Variants in NBPF26 observed in about 807,000 individuals in gnomAD.
The protein encoded by NBPF26 is NBPF family member NBPF26.
Under a neutral mutation model 119.6 loss-of-function variants are expected in NBPF26, and 79 were observed. The ratio of observed to expected loss-of-function variants is 0.66; its 90% CI spans 0.55 to 0.80. The LOEUF is 0.80. NBPF26 is among the 30% of genes least tolerant of loss of function. The pLI is 0.00. For missense variants in NBPF26, 800 were observed against 1,198.2 expected, an observed-to-expected ratio of 0.67 and a Z score of 4.91; for synonymous variants, 299 against 457.7, an observed-to-expected ratio of 0.65 and a Z score of 4.43.
In NBPF26 at chr1:120,811,935, C is replaced by T. The variant is rs1553271032; in HGVS notation, c.1614C>T (p.Ala538=). ...CAAACGTCAGCATGGTGGTATCAGCCGGCCCTTTGTCCGGCGAGAAGGCAG... is the reference window on the plus strand; with the variant it reads ...CAAACGTCAGCATGGTGGTATCAGCTGGCCCTTTGTCCGGCGAGAAGGCAG... Residue 538 remains alanine (A), a synonymous_variant, in exon 10 of 30, where the codon GCC becomes GCT. Transcript: ENST00000620612. The T allele has an allele frequency of 1.0e-4, 119 of 1,163,662 alleles. 24 individuals are homozygous for T. The highest frequency in any genetic ancestry group is 3.9e-4 in the South Asian group (30 of 76,980). 72.1% of individuals were successfully genotyped at this position (1,163,662 alleles called of 1,614,324 possible).
At chr1:120,811,119 G>C (rs1651852875) in intron 9 of NBPF26, among the ~76,000 whole-genome samples, 1 of 106,446 alleles carries the variant, frequency 9.4e-6, no homozygotes, top group African/African-American at 5.7e-5. Flanking sequence ...GTGGTGGTGG[G>C]TGCCTGTAGT....
chr1:120,805,091 G>C (rs1245456988), intron 4 of NBPF26, among the ~76,000 whole-genome samples: 1 of 123,920 alleles, frequency 8.1e-6, no homozygotes, highest in Non-Finnish European at 1.6e-5. Flanking sequence ...AATATGCTTA[G>C]ATGTATTGGG....
chr1:120,804,896 A>G (rs1651642736), intron 4 of NBPF26, among the ~76,000 whole-genome samples: 3 of 120,438 alleles, frequency 2.5e-5, no homozygotes, highest in Non-Finnish European at 4.9e-5. Flanking sequence ...AAAAAACTGC[A>G]GAAGACCCGG....
intron 2 of NBPF26, among the ~76,000 whole-genome samples, chr1:120,770,608 A>G (rs1651252274): frequency 8.3e-6 from 1 of 121,100 alleles, no homozygotes; most frequent in South Asian, 2.3e-4. Context: ...GTAGTTTAAC[A>G]TGTATTTACT....
Position 120,794,442 on chromosome 1 carries a change from A to G in NBPF26, c.751+946A>G, listed in dbSNP as rs1651534789. Among the ~76,000 whole-genome samples, 2 of 116,238 alleles carry G rather than the reference A, an allele frequency of 1.7e-5. 1 individual carries two copies. Among genetic ancestry groups the G allele is most frequent in the Non-Finnish European group, 3.3e-5 (2 of 60,836 alleles). 76.3% of individuals were successfully genotyped at this position (116,238 alleles called of 152,430 possible). On this transcript the variant is annotated intron_variant, in intron 4 of 29. Coordinates refer to ENST00000620612, the Ensembl canonical transcript of NBPF26. ...CAAATATCCTTAGTACAAAAACAAA[A>G]GAAGGAAAACTGTAGGAGGGAGTAA...
At chr1:120,776,111 A>G (rs1651304842) in intron 2 of NBPF26, among the ~76,000 whole-genome samples, 1 of 116,764 alleles carries the variant, frequency 8.6e-6, no homozygotes, top group Admixed American at 8.2e-5. Flanking sequence ...TTGCTTCTGC[A>G]CTGAATAGTT....
At chr1:120,801,850 A>AAAAC in intron 4 of NBPF26, among the ~76,000 whole-genome samples, 1 of 95,648 alleles carries the variant, frequency 1.0e-5, no homozygotes, top group Non-Finnish European at 1.9e-5. Flanking sequence ...AAAAAAAAAA[A>AAAAC]AGGCATCTCA....
rs1323082364 is a variant in NBPF26, at chr1:120,760,240, T to A, written c.74-3388T>A. ...TCTCTCTCTGTCACTCAGGCTGGAG[T>A]ACAGTGGAGCAATCTCGGCTCACTG... On this transcript the variant is annotated intron_variant, in intron 1 of 29. Coordinates refer to ENST00000620612, the Ensembl canonical transcript of NBPF26. Among the ~76,000 whole-genome samples the A allele has an allele frequency of 1.9e-4, 14 of 73,128 alleles. 1 individual carries two copies. Among genetic ancestry groups the A allele is most frequent in the Non-Finnish European group, 2.3e-5 (1 of 43,738 alleles). The allele number at this position is 73,128 out of a possible 152,430, so 48.0% of individuals were successfully genotyped here. A position where few individuals can be genotyped will look rare whatever the true frequency, so the allele number is the denominator to read the frequency against.
rs1290093406 is a variant in NBPF26 at position 120,759,114 on chromosome 1, T to G, written c.74-4514T>G. Among the ~76,000 whole-genome samples, 2 of 72,424 alleles carry G rather than the reference T, an allele frequency of 2.8e-5. 1 individual carries two copies. Among genetic ancestry groups the G allele is most frequent in the Non-Finnish European group, 4.6e-5 (2 of 43,018 alleles). The allele number at this position is 72,424 out of a possible 152,430, so 47.5% of individuals were successfully genotyped here. ...CATCAGGGCTTGTGCCTGCCGATAG[T>G]AGATGCTTTCTAAATATGTTCTGAA... On this transcript the variant is annotated intron_variant, in intron 1 of 29. Transcript: ENST00000620612.
At position 120,810,208 on chromosome 1, in the gene NBPF26, T is replaced by C. The variant is rs1170705073; in HGVS notation, c.1353-139T>C. On this transcript the variant is annotated intron_variant, in intron 8 of 29. Transcript: ENST00000620612. Reference sequence around the variant, plus strand: ...GTTGCAGAGAGAAGCGGATTGCCTGTTTCCTCTTTAAGGGAACCTCCGTTT... The same window carrying C: ...GTTGCAGAGAGAAGCGGATTGCCTGCTTCCTCTTTAAGGGAACCTCCGTTT... The C allele has an allele frequency of 1.8e-5, 19 of 1,074,130 alleles. 2 individuals are homozygous for C. The East Asian group carries it at 4.4e-4, about 25-fold the overall frequency. 66.5% of individuals were successfully genotyped at this position (1,074,130 alleles called of 1,614,324 possible).
rs1287424079 is a variant in NBPF26 at position 120,724,638 on chromosome 1, G to A, written c.73+388G>A. Among the ~76,000 whole-genome samples the A allele has an allele frequency of 8.7e-3, 1,061 of 122,088 alleles. 340 individuals are homozygous for A. The highest frequency in any genetic ancestry group is 0.042 in the African/African-American group (1,021 of 24,112). The allele number at this position is 122,088 out of a possible 152,430, so 80.1% of individuals were successfully genotyped here. A position where few individuals can be genotyped will look rare whatever the true frequency, so the allele number is the denominator to read the frequency against. On this transcript the variant is annotated intron_variant, in intron 1 of 29. Transcript: ENST00000620612. ...ACGGCGGGCCTCGGAGGGGCTGAGC[G>A]AAGGAATGCCAGATTCTGGCGTGGA... is the stretch of plus-strand genomic sequence containing the variant.
Position 120,785,060 on chromosome 1 carries a change from C to A in NBPF26, c.242C>A (p.Ala81Asp), listed in dbSNP as rs1651405935. ...TGCCAGAATGGTGGGACTTGTGTGG[C>A]CCAGGCCATGCTGGGGAAAGCCACG... Residue 81 changes from alanine to aspartate, a missense_variant, in exon 3 of 30, where the codon GCC becomes GAC. By Grantham distance (126) the Ala-to-Asp change is moderately radical (BLOSUM62 -2). This residue lies in a region of NBPF26 where 209 missense variants were observed against 285.2 expected (regional missense o/e 0.73). Coordinates refer to ENST00000620612, the Ensembl canonical transcript of NBPF26. 1.4e-6 allele frequency: 2 copies of A among 1,445,710 alleles called. 1 individual carries two copies. The highest frequency in any genetic ancestry group is 1.8e-6 in the Non-Finnish European group (2 of 1,082,084). 89.6% of individuals were successfully genotyped at this position (1,445,710 alleles called of 1,614,324 possible). A position where few individuals can be genotyped will look rare whatever the true frequency, so the allele number is the denominator to read the frequency against.
chr1:120,809,783 TATCTG>T, intron 7 of NBPF26, 23 bp from the exon 8 acceptor site: 2 of 1,517,422 alleles, frequency 1.3e-6, no homozygotes, highest in Non-Finnish European at 1.8e-6. Flanking sequence ...AAGTGGGAAA[TATCTG>T]AACGAACATT....
Position 120,724,347 on chromosome 1 carries a change from G to A in NBPF26, c.73+97G>A, listed in dbSNP as rs1650790922. The A allele has an allele frequency of 1.5e-6, 2 of 1,355,326 alleles. 1 individual carries two copies. The highest frequency in any genetic ancestry group is 1.9e-6 in the Non-Finnish European group (2 of 1,040,434). The allele number at this position is 1,355,326 out of a possible 1,614,324, so 84.0% of individuals were successfully genotyped here. On this transcript the variant is annotated intron_variant, in intron 1 of 29. Coordinates refer to ENST00000620612, the Ensembl canonical transcript of NBPF26. ...AGTCCTTCTCTGTGTGGGAAGGCCAGGCTCGGCCGCCGGCGCGGAGTGAGG... is the reference window on the plus strand; with the variant it reads ...AGTCCTTCTCTGTGTGGGAAGGCCAAGCTCGGCCGCCGGCGCGGAGTGAGG...
In NBPF26 at chr1:120,728,474, C is replaced by G. The variant is rs1245477017; in HGVS notation, c.73+4224C>G. ...GTGTGGGGTTTCTTTCTTTCTTTTT[C>G]TGATCACTTCTGCAATTTATAAATC... On this transcript the variant is annotated intron_variant, in intron 1 of 29. Coordinates refer to ENST00000620612, the Ensembl canonical transcript of NBPF26. 5.2e-5 allele frequency among the ~76,000 whole-genome samples: 6 copies of G among 114,354 alleles called. 3 individuals carry two copies. Among genetic ancestry groups the G allele is most frequent in the African/African-American group, 3.1e-4 (6 of 19,078 alleles). 75.0% of individuals were successfully genotyped at this position (114,354 alleles called of 152,430 possible).
downstream of NBPF26, among the ~76,000 whole-genome samples, chr1:120,842,124 G>A (rs1553273750): frequency 9.1e-6 from 1 of 109,444 alleles, no homozygotes; most frequent in Non-Finnish European, 1.7e-5. Context: ...TGGACTTTTG[G>A]ATTGTTTTTT....
chr1:120,764,788 A>T (rs1282115740), intron 2 of NBPF26, among the ~76,000 whole-genome samples: 1 of 104,828 alleles, frequency 9.5e-6, no homozygotes, highest in Non-Finnish European at 1.8e-5. Context: ...GGAGAAATAA[A>T]ATTTGGTAAT....
chr1:120,760,382 C>T (rs1471296810), intron 1 of NBPF26, among the ~76,000 whole-genome samples: 11 of 124,514 alleles, frequency 8.8e-5, no homozygotes, highest in Non-Finnish European at 1.4e-4. Context: ...ATCATCTTGG[C>T]CAGGCTGGTC....
intron 2 of NBPF26, among the ~76,000 whole-genome samples, chr1:120,782,801 C>A: frequency 9.8e-6 from 1 of 102,452 alleles, no homozygotes; most frequent in Non-Finnish European, 1.8e-5. Context: ...TTTCAGTTAT[C>A]TCGGGTATAT....
Sources: allele counts gnomAD v4.1 joint callset (sites outside exome capture counted in the v4.1 genomes callset), GRCh38; gene constraint gnomAD v4.1.1; regional missense constraint gnomAD v4.1.1; transcripts MANE v1.5; gene names NCBI Gene and HGNC (gene_info 2026-07-23, HGNC 2026-07-21).